VWF: variants seen among roughly 807,000 people sequenced by gnomAD.
The protein encoded by VWF is von Willebrand factor.
VWF carries 176 observed loss-of-function variants against 308.6 expected under a neutral mutation model. That is an observed-to-expected ratio of 0.57 (90% CI 0.50 to 0.65). The LOEUF (loss-of-function observed/expected upper bound fraction) is 0.65. Ranked by LOEUF, VWF falls within the 30% of genes least tolerant of loss-of-function variation. The pLI, the probability that VWF is intolerant of heterozygous loss-of-function variation, is 0.00. For missense variants in VWF, 3,146 were observed against 3,648.2 expected, an observed-to-expected ratio of 0.86 and a Z score of 3.55; for synonymous variants, 1,385 against 1,443.4, an observed-to-expected ratio of 0.96 and a Z score of 0.92.
chr12:6,007,920 A>G (rs1270014441), intron 34 of VWF, among the ~76,000 whole-genome samples: 1 of 152,134 alleles, frequency 6.6e-6, no homozygotes, highest in Non-Finnish European at 1.5e-5. Context: ...ATGAACAACT[A>G]CACACTAACA....
chr12:6,068,836 G>A (rs1449400718), intron 10 of VWF, among the ~76,000 whole-genome samples: 5 of 50,346 alleles, frequency 9.9e-5, no homozygotes, highest in Admixed American at 3.6e-4. Context: ...TTTTTTTTGC[G>A]TGTGTGTGTG....
chr12:6,080,161 G>T (rs1944893825), intron 6 of VWF, among the ~76,000 whole-genome samples: 1 of 152,124 alleles, frequency 6.6e-6, no homozygotes, highest in African/African-American at 2.4e-5. Flanking sequence ...CTCTATTCTT[G>T]TACTGAAATG....
intron 19 of VWF, 64 bp downstream of exon 19, chr12:6,036,324 C>T (rs1442154432): frequency 4.1e-6 from 6 of 1,479,082 alleles, no homozygotes; most frequent in East Asian, 2.3e-5. Flanking sequence ...GTCCTGTGGC[C>T]GCGTGCACCC....
chr12:6,116,069 T>C (rs889531841), intron 3 of VWF, among the ~76,000 whole-genome samples: 1 of 152,126 alleles, frequency 6.6e-6, no homozygotes, highest in African/African-American at 2.4e-5. Flanking sequence ...CATGCAGAAC[T>C]CAGGGGCATC....
At position 6,070,770 on chromosome 12, in the gene VWF, CAAT is replaced by C. The variant is rs540032815; in HGVS notation, c.1156+524_1156+526del. Among the ~76,000 whole-genome samples, 223 of 152,264 alleles carry C rather than the reference CAAT, an allele frequency of 1.5e-3. 4 individuals carry two copies. The highest frequency in any genetic ancestry group is 5.1e-3 in the African/African-American group (212 of 41,536). On this transcript the variant is annotated intron_variant, in intron 10 of 51. Transcript: ENST00000261405. ...GAGAAAGCAAATGGCAGAGATTGCT[CAAT>C]AATTTTTCCTAAGCAGATTTTCCAG... is the stretch of plus-strand genomic sequence containing the variant.
At chr12:5,972,994 T>G (rs991901178) in intron 43 of VWF, among the ~76,000 whole-genome samples, 1 of 152,216 alleles carries the variant, frequency 6.6e-6, no homozygotes, top group Non-Finnish European at 1.5e-5. Context: ...ATTATTTTTG[T>G]TTCCTGTTGC....
chr12:5,994,134 G>A lies in VWF; in HGVS notation c.6326C>T (p.Thr2109Ile). 6.2e-7 allele frequency: 1 copy of A among 1,614,184 alleles called. No homozygotes were observed. The highest frequency in any genetic ancestry group is 1.3e-5 in the African/African-American group (1 of 75,036). ...RDGTVTTDWKTLVQEWTVQRP... is the reference protein window; with the variant it reads ...RDGTVTTDWKILVQEWTVQRP... Reference sequence around the variant, plus strand: ...CTGCACAGTCCATTCCTGAACAAGTGTTTTCCAGTCTGTGGTGACTGTGCC... The same window carrying A: ...CTGCACAGTCCATTCCTGAACAAGTATTTTCCAGTCTGTGGTGACTGTGCC... Residue 2109 changes from threonine to isoleucine, a missense_variant, in exon 37 of 52, where the codon ACA becomes ATA. Coordinates refer to ENST00000261405, the MANE Select transcript of VWF (RefSeq NM_000552.5).
rs568719221 is a variant in VWF, at chr12:6,006,827, T to C, written c.5842+4790A>G. The stretch of plus-strand genomic sequence containing the variant: ...TAAAATATAAAACAAGATCCAACTA[T>C]GTGCTGTCTACAAGAGAGAGACTCA... On this transcript the variant is annotated intron_variant, in intron 34 of 51. Coordinates refer to ENST00000261405, the MANE Select transcript of VWF (RefSeq NM_000552.5). 5.9e-5 allele frequency among the ~76,000 whole-genome samples: 9 copies of C among 152,280 alleles called. No individual in the cohort carries two copies. The South Asian group carries it at 1.9e-3, about 32-fold the overall frequency.
At chr12:5,969,445 T>C (rs1555190297) in intron 44 of VWF, 54 bp from the exon 45 acceptor site, 2 of 1,607,362 alleles carry the variant, frequency 1.2e-6, no homozygotes, top group Non-Finnish European at 1.7e-6. Flanking sequence ...GAGCCCAGGG[T>C]CCCATTGGGA....
rs1012852618 is a variant in VWF at position 5,968,811 on chromosome 12, TCAAA to T, written c.7729+396_7729+399del. Among the ~76,000 whole-genome samples, 7 of 152,270 alleles carry T rather than the reference TCAAA, an allele frequency of 4.6e-5. No individual in the cohort carries two copies. The South Asian group carries it at 1.0e-3, about 23-fold the overall frequency. On this transcript the variant is annotated intron_variant, in intron 45 of 51. Transcript: ENST00000261405. ...AGTCACTCCAGAGTGAGAATCTGCC[TCAAA>T]CAAACAAACAAACAAATAAATAAAA...
chr12:5,985,585 C>T lies in VWF; in HGVS notation c.6879G>A (p.Thr2293=), dbSNP rs764917249. 12 of 1,613,908 alleles carry T rather than the reference C, an allele frequency of 7.4e-6. No individual in the cohort carries two copies. The Admixed American group carries it at 8.3e-5, about 11-fold the overall frequency. ...CLSGRKVNCT[T]QPCPTAKAPT... ...CACCTTTGGCCGTGGGGCAGGGCTGCGTTGTGCAGTTGACCTTCCGCCCGC... is the reference window on the plus strand; with the variant it reads ...CACCTTTGGCCGTGGGGCAGGGCTGTGTTGTGCAGTTGACCTTCCGCCCGC... Residue 2293 remains threonine (T), a synonymous_variant, in exon 39 of 52, where the codon ACG becomes ACA. Coordinates refer to ENST00000261405, the MANE Select transcript of VWF (RefSeq NM_000552.5).
At chr12:6,032,163 T>C (rs1340844263) in intron 20 of VWF, among the ~76,000 whole-genome samples, 1 of 152,064 alleles carries the variant, frequency 6.6e-6, no homozygotes, top group Non-Finnish European at 1.5e-5. Flanking sequence ...TCCTGGCAAA[T>C]GCCTCCCCCA....
rs1944155519 is a variant in VWF, at chr12:6,023,615, G to A, written c.3379+16C>T. The stretch of plus-strand genomic sequence containing the variant: ...GAAGGGAGGGCATCTGAGAACATGA[G>A]GGCGTCAGTACTCACGGCACAATGT... On this transcript the variant is annotated intron_variant, in intron 25 of 51. Coordinates refer to ENST00000261405, the MANE Select transcript of VWF (RefSeq NM_000552.5). 9 of 1,613,608 alleles carry A rather than the reference G, an allele frequency of 5.6e-6. No individual in the cohort carries two copies. The highest frequency in any genetic ancestry group is 7.6e-6 in the Non-Finnish European group (9 of 1,179,962).
intron 6 of VWF, among the ~76,000 whole-genome samples, chr12:6,076,184 C>T (rs1400123275): frequency 1.3e-5 from 2 of 152,142 alleles, no homozygotes; most frequent in Admixed American, 6.5e-5. Flanking sequence ...GCAGCAAGCA[C>T]GAGTATTCTT....
At chr12:5,981,014 G>T (rs906511213) in intron 42 of VWF, among the ~76,000 whole-genome samples, 4 of 152,112 alleles carry the variant, frequency 2.6e-5, no homozygotes, top group Non-Finnish European at 5.9e-5. Flanking sequence ...TGTACCATTC[G>T]TTGACACTTT....
intron 34 of VWF, among the ~76,000 whole-genome samples, chr12:6,001,121 G>C (rs1943868756): frequency 6.6e-6 from 1 of 152,098 alleles, no homozygotes; most frequent in Non-Finnish European, 1.5e-5. Flanking sequence ...ATTAATGAAT[G>C]CTTAAATTTA....
At chr12:6,056,186 G>A (rs181755159) in intron 15 of VWF, among the ~76,000 whole-genome samples, 1 of 139,028 alleles carries the variant, frequency 7.2e-6, no homozygotes, top group Admixed American at 7.2e-5. Flanking sequence ...TTCCATCTGT[G>A]ACTCTAACAG....
At chr12:6,014,495 A>T (rs1443610694) in intron 31 of VWF, among the ~76,000 whole-genome samples, 5 of 151,994 alleles carry the variant, frequency 3.3e-5, no homozygotes, top group African/African-American at 9.7e-5. Context: ...GGGAGGTGTG[A>T]CTCTCGAAGT....
chr12:5,949,570 T>G (rs933408), intron 51 of VWF, among the ~76,000 whole-genome samples: 23,250 of 152,170 alleles, frequency 0.15, 1,924 homozygotes, highest in South Asian at 0.25. Flanking sequence ...CTGTAAAGGA[T>G]TTGCTGAGTC....
Sources: allele counts gnomAD v4.1 joint callset (sites outside exome capture counted in the v4.1 genomes callset), GRCh38; gene constraint gnomAD v4.1.1; transcripts MANE v1.5; gene names NCBI Gene and HGNC (gene_info 2026-07-23, HGNC 2026-07-21).